CPNE4: variants seen among roughly 807,000 people sequenced by gnomAD.
The protein encoded by CPNE4 is copine 4, also known as copine-4.
CPNE4 carries 25 observed loss-of-function variants against 67.9 expected under a neutral mutation model. The observed-to-expected ratio is 0.37, with a 90% CI of 0.27 to 0.51. CPNE4 has a LOEUF of 0.51. CPNE4 is among the 20% of genes least tolerant of loss of function. CPNE4 has a pLI of 0.93. For synonymous variants in CPNE4, 242 were observed against 244.9 expected (o/e 0.99, Z 0.11); for missense variants, 464 against 690.8 (o/e 0.67, Z 3.68).
rs868331550 is a variant in CPNE4, at chr3:131,885,583, C to T, written c.180+19681G>A. On this transcript the variant is annotated intron_variant, in intron 2 of 15. Transcript: ENST00000429747. ...TACTTTAAGTTTTAGGGTACATGTGCACATTGTGCAGGTTAGTTACATACG... is the reference window on the plus strand; with the variant it reads ...TACTTTAAGTTTTAGGGTACATGTGTACATTGTGCAGGTTAGTTACATACG... 2.4e-4 allele frequency among the ~76,000 whole-genome samples: 36 copies of T among 151,208 alleles called. 1 individual carries two copies. The highest frequency in any genetic ancestry group is 6.8e-3 in the Middle Eastern group (2 of 292).
At chr3:131,828,899 G>C (rs2085267238) in intron 2 of CPNE4, among the ~76,000 whole-genome samples, 1 of 152,134 alleles carries the variant, frequency 6.6e-6, no homozygotes, top group South Asian at 2.1e-4. Flanking sequence ...TTTGAGAGAA[G>C]AATCTTTGAA....
chr3:131,850,782 T>C (rs1421057289), intron 2 of CPNE4, among the ~76,000 whole-genome samples: 1 of 152,118 alleles, frequency 6.6e-6, no homozygotes, highest in East Asian at 1.9e-4. Context: ...ACCCCCATAA[T>C]AATCCTACGA....
chr3:131,623,814 A>C (rs1940597849), intron 7 of CPNE4, among the ~76,000 whole-genome samples: 1 of 152,208 alleles, frequency 6.6e-6, no homozygotes, highest in African/African-American at 2.4e-5. Flanking sequence ...TTTAGGTGAT[A>C]GCTAAACCAG....
chr3:131,611,573 A>G (rs1428287790), intron 7 of CPNE4, among the ~76,000 whole-genome samples: 1 of 151,758 alleles, frequency 6.6e-6, no homozygotes, highest in Non-Finnish European at 1.5e-5. Flanking sequence ...ATTCAGTCCA[A>G]TCTTGCTGTC....
intron 2 of CPNE4, among the ~76,000 whole-genome samples, chr3:131,783,182 C>A (rs963976524): frequency 6.6e-6 from 1 of 152,064 alleles, no homozygotes; most frequent in Non-Finnish European, 1.5e-5. Flanking sequence ...TTCCTCTAAT[C>A]CCTATGTCCT....
intron 10 of CPNE4, among the ~76,000 whole-genome samples, chr3:131,571,811 A>G (rs1937352109): frequency 6.6e-6 from 1 of 151,842 alleles, no homozygotes; most frequent in African/African-American, 2.4e-5. Flanking sequence ...TTATCCACCA[A>G]ATTACCTCAA....
intron 1 of CPNE4, among the ~76,000 whole-genome samples, chr3:131,996,933 T>G (rs2073309402): frequency 6.6e-6 from 1 of 152,062 alleles, no homozygotes; most frequent in Admixed American, 6.6e-5. Flanking sequence ...TATGAGGACC[T>G]ACATATCAAT....
rs1435433104 is a variant in CPNE4, at chr3:131,654,323, T to A, written c.681+15352A>T. ...TATAGGCAAACTTGTGTCATGGGGA[T>A]TTTTGTACAGATTGTTTTGTCACCC... On this transcript the variant is annotated intron_variant, in intron 7 of 15. Coordinates refer to ENST00000429747, the MANE Select transcript of CPNE4 (RefSeq NM_130808.3). Among the ~76,000 whole-genome samples, 6 of 152,080 alleles carry A rather than the reference T, an allele frequency of 3.9e-5. No homozygotes were observed. The East Asian group carries it at 1.2e-3, about 29-fold the overall frequency.
intron 1 of CPNE4, among the ~76,000 whole-genome samples, chr3:131,987,948 A>C (rs1297340497): frequency 6.6e-6 from 1 of 152,240 alleles, no homozygotes; most frequent in Non-Finnish European, 1.5e-5. Context: ...TATTAGGTCC[A>C]TGAATAAGCA....
chr3:131,859,249 A>T (rs921299539), intron 2 of CPNE4, among the ~76,000 whole-genome samples: 4 of 152,122 alleles, frequency 2.6e-5, no homozygotes, highest in African/African-American at 9.7e-5. Flanking sequence ...TTTCTAAAAT[A>T]TGAGAATTTA....
At chr3:131,632,797 G>C (rs188905666) in intron 7 of CPNE4, among the ~76,000 whole-genome samples, 1 of 152,188 alleles carries the variant, frequency 6.6e-6, no homozygotes, top group East Asian at 1.9e-4. Flanking sequence ...TCTTGGTACT[G>C]TTAACATTTC....
intron 2 of CPNE4, among the ~76,000 whole-genome samples, chr3:131,894,041 A>G (rs2088222978): frequency 6.6e-6 from 1 of 151,938 alleles, no homozygotes; most frequent in Non-Finnish European, 1.5e-5. Context: ...TTTTAAAAAG[A>G]TAAAATTGAC....
intron 6 of CPNE4, among the ~76,000 whole-genome samples, chr3:131,680,558 T>C (rs1030936046): frequency 6.6e-6 from 1 of 152,162 alleles, no homozygotes; most frequent in African/African-American, 2.4e-5. Flanking sequence ...GTTAATATTT[T>C]TTAATTTCCT....
intron 7 of CPNE4, among the ~76,000 whole-genome samples, chr3:131,602,964 T>G (rs753402083): frequency 6.6e-6 from 1 of 152,180 alleles, no homozygotes; most frequent in Non-Finnish European, 1.5e-5. Flanking sequence ...TGAGGTATGA[T>G]GCATACTACT....
At chr3:131,718,216 A>G (rs950854888) in intron 3 of CPNE4, among the ~76,000 whole-genome samples, 4 of 151,860 alleles carry the variant, frequency 2.6e-5, no homozygotes, top group African/African-American at 7.3e-5. Context: ...GCTGGTCTCA[A>G]ACTCCTGACC....
At chr3:131,791,542 G>A (rs1371952151) in intron 2 of CPNE4, among the ~76,000 whole-genome samples, 2 of 152,100 alleles carry the variant, frequency 1.3e-5, no homozygotes, top group Non-Finnish European at 2.9e-5. Context: ...GTAAACCACA[G>A]GGTTTACTGT....
intron 7 of CPNE4, among the ~76,000 whole-genome samples, chr3:131,605,298 G>A (rs1249768900): frequency 6.6e-6 from 1 of 151,662 alleles, no homozygotes; most frequent in Admixed American, 6.6e-5. Context: ...TTTATTTTAG[G>A]TGCAGCTTTG....
intron 15 of CPNE4, among the ~76,000 whole-genome samples, chr3:131,540,380 T>A (rs905990918): frequency 6.6e-6 from 1 of 152,214 alleles, no homozygotes; most frequent in Non-Finnish European, 1.5e-5. Flanking sequence ...AATACAGAGT[T>A]CAGCTGAGGC....
intron 1 of CPNE4, among the ~76,000 whole-genome samples, chr3:132,003,764 A>C (rs1427604328): frequency 6.6e-6 from 1 of 152,102 alleles, no homozygotes; most frequent in Non-Finnish European, 1.5e-5. Flanking sequence ...TTCTCCATCC[A>C]AGTTTATTGG....
Sources: gnomAD v4.1 joint callset for allele counts (sites outside exome capture counted in the v4.1 genomes callset) on GRCh38, gnomAD v4.1.1 for gene constraint, MANE v1.5 for transcripts, NCBI Gene and HGNC (gene_info 2026-07-23, HGNC 2026-07-21) for gene names.